Variants in RAB39A observed in about 807,000 individuals in gnomAD.
The protein encoded by RAB39A is ras-related protein Rab-39A.
A neutral mutation model predicts 20.9 loss-of-function variants in RAB39A; 17 were observed. That is an observed-to-expected ratio of 0.81 (90% CI 0.56 to 1.22). RAB39A has a LOEUF of 1.22. RAB39A is among the 50% of genes most tolerant of loss of function. The pLI, the probability that RAB39A is intolerant of heterozygous loss-of-function variation, is 0.00. For synonymous variants in RAB39A, 99 were observed against 103.4 expected (o/e 0.96, Z 0.26); for missense variants, 234 against 270.5 (o/e 0.87, Z 0.95).
At chr11:107,939,659 C>T (rs1861240638) in intron 1 of RAB39A, among the ~76,000 whole-genome samples, 1 of 151,554 alleles carries the variant, frequency 6.6e-6, no homozygotes, top group African/African-American at 2.4e-5. Context: ...AATGAGAGAC[C>T]TGCCTGGAGT....
In RAB39A at chr11:107,960,456, A is replaced by T. The variant is rs371217981; in HGVS notation, c.228-1490A>T. Among the ~76,000 whole-genome samples, 10 of 152,342 alleles carry T rather than the reference A, an allele frequency of 6.6e-5. No individual in the cohort carries two copies. In the East Asian group the frequency reaches 1.7e-3, roughly 26 times the overall value. Reference sequence around the variant, plus strand: ...ATTGAAGCAGACATAGGAGTTTCTTAGACAGAAAAGGGGTAGAAGATATTC... The same window carrying T: ...ATTGAAGCAGACATAGGAGTTTCTTTGACAGAAAAGGGGTAGAAGATATTC... On this transcript the variant is annotated intron_variant, in intron 1 of 1. Transcript: ENST00000320578.
At position 107,939,236 on chromosome 11, in the gene RAB39A, T is replaced by C. The variant is rs1478060966; in HGVS notation, c.227+10441T>C. Reference sequence around the variant, plus strand: ...TCCAGCCTGGGCGGCAAAGCGAGACTCTGTCTCAAAAAAAAAAAAAAAAAA... The same window carrying C: ...TCCAGCCTGGGCGGCAAAGCGAGACCCTGTCTCAAAAAAAAAAAAAAAAAA... On this transcript the variant is annotated intron_variant, in intron 1 of 1. Coordinates refer to ENST00000320578, the MANE Select transcript of RAB39A (RefSeq NM_017516.3). Among the ~76,000 whole-genome samples the C allele has an allele frequency of 4.0e-5, 5 of 125,382 alleles. 1 individual carries two copies. Among genetic ancestry groups the C allele is most frequent in the African/African-American group, 1.6e-4 (5 of 31,140 alleles). The allele number at this position is 125,382 out of a possible 152,430, so 82.3% of individuals were successfully genotyped here. A position where few individuals can be genotyped will look rare whatever the true frequency, so the allele number is the denominator to read the frequency against.
At chr11:107,933,377 CTT>C (rs71047649) in intron 1 of RAB39A, among the ~76,000 whole-genome samples, 4 of 73,070 alleles carry the variant, frequency 5.5e-5, no homozygotes, top group Admixed American at 2.3e-4. Flanking sequence ...TTTATTCTTT[CTT>C]TTTTTTTTTT....
intron 1 of RAB39A, among the ~76,000 whole-genome samples, chr11:107,939,909 G>A (rs1435362821): frequency 2.0e-5 from 3 of 152,132 alleles, no homozygotes; most frequent in Admixed American, 6.6e-5. Context: ...ATGGATCACC[G>A]CAGTGAAGTT....
intron 1 of RAB39A, among the ~76,000 whole-genome samples, chr11:107,940,231 C>T (rs1364925558): frequency 1.3e-5 from 2 of 151,776 alleles, no homozygotes; most frequent in Non-Finnish European, 2.9e-5. Context: ...GGAATATCAT[C>T]GGATATAATT....
intron 1 of RAB39A, among the ~76,000 whole-genome samples, chr11:107,946,165 C>A (rs1179771844): frequency 2.1e-5 from 3 of 145,884 alleles, no homozygotes; most frequent in East Asian, 4.0e-4. Flanking sequence ...CCAAAACAAA[C>A]AAACAAACAA....
chr11:107,948,271 A>T (rs1861338800), intron 1 of RAB39A, among the ~76,000 whole-genome samples: 1 of 152,240 alleles, frequency 6.6e-6, no homozygotes, highest in Non-Finnish European at 1.5e-5. Flanking sequence ...ATTGAGAAGT[A>T]CATGGAAAAT....
At chr11:107,955,505 G>A (rs192692411) in intron 1 of RAB39A, among the ~76,000 whole-genome samples, 19 of 152,150 alleles carry the variant, frequency 1.2e-4, no homozygotes, top group African/African-American at 4.3e-4. Context: ...CAAGCTTTTG[G>A]GTTTTCCACT....
chr11:107,944,074 G>A (rs1371845100), intron 1 of RAB39A, among the ~76,000 whole-genome samples: 1 of 150,644 alleles, frequency 6.6e-6, no homozygotes, highest in Admixed American at 6.7e-5. Context: ...CATCCAGGGC[G>A]ACACAGTGAG....
chr11:107,937,798 G>A (rs1035877872), intron 1 of RAB39A, among the ~76,000 whole-genome samples: 60 of 152,058 alleles, frequency 3.9e-4, no homozygotes, highest in African/African-American at 1.4e-3. Context: ...CAGTCTCTGA[G>A]CCTCTTATTC....
chr11:107,939,243 CAAA>C (rs138488479), intron 1 of RAB39A, among the ~76,000 whole-genome samples: 5 of 68,568 alleles, frequency 7.3e-5, no homozygotes, highest in Admixed American at 3.9e-4. Flanking sequence ...GACTCTGTCT[CAAA>C]AAAAAAAAAA....
chr11:107,948,885 G>A (rs926957421), intron 1 of RAB39A, among the ~76,000 whole-genome samples: 3 of 152,016 alleles, frequency 2.0e-5, no homozygotes, highest in East Asian at 1.9e-4. Flanking sequence ...GATACTTTTC[G>A]TTGTTGAGCC....
At chr11:107,958,067 T>G (rs949526282) in intron 1 of RAB39A, among the ~76,000 whole-genome samples, 1 of 152,054 alleles carries the variant, frequency 6.6e-6, no homozygotes, top group Non-Finnish European at 1.5e-5. Flanking sequence ...ATTTTATGTA[T>G]TTTTGGTAGA....
intron 1 of RAB39A, among the ~76,000 whole-genome samples, chr11:107,947,807 C>CAAAAAAAAAAAAAAAAAA (rs35694249): frequency 6.2e-5 from 5 of 80,218 alleles, no homozygotes; most frequent in Admixed American, 1.9e-4. Context: ...CATCAACAGG[C>CAAAAAAAAAAAAAAAAAA]AAAAAAAAAA....
At chr11:107,929,221 C>G (rs191822565) in intron 1 of RAB39A, among the ~76,000 whole-genome samples, 1 of 152,292 alleles carries the variant, frequency 6.6e-6, no homozygotes, top group Admixed American at 6.5e-5. Flanking sequence ...CCTAACCCAG[C>G]GGCTCCCACG....
intron 1 of RAB39A, among the ~76,000 whole-genome samples, chr11:107,937,670 G>C (rs1861209642): frequency 6.6e-6 from 1 of 151,896 alleles, no homozygotes; most frequent in Non-Finnish European, 1.5e-5. Flanking sequence ...CAAGTAGCTG[G>C]GATTACAGGC....
intron 1 of RAB39A, among the ~76,000 whole-genome samples, chr11:107,938,861 G>C (rs993217131): frequency 6.6e-6 from 1 of 152,170 alleles, no homozygotes; most frequent in Admixed American, 6.6e-5. Context: ...GAAAACCTGT[G>C]ATTATTTTTC....
intron 1 of RAB39A, among the ~76,000 whole-genome samples, chr11:107,958,835 C>T (rs1021443121): frequency 1.3e-5 from 2 of 151,902 alleles, no homozygotes; most frequent in African/African-American, 4.8e-5. Flanking sequence ...GATAGTATTT[C>T]CTGGCCGGGC....
intron 1 of RAB39A, among the ~76,000 whole-genome samples, chr11:107,952,253 C>T (rs1397604313): frequency 6.6e-6 from 1 of 152,190 alleles, no homozygotes; most frequent in African/African-American, 2.4e-5. Context: ...TAGGCTACAA[C>T]ATGGATGGAC....
Sources: allele counts gnomAD v4.1 joint callset (sites outside exome capture counted in the v4.1 genomes callset), GRCh38; gene constraint gnomAD v4.1.1; transcripts MANE v1.5; gene names NCBI Gene and HGNC (gene_info 2026-07-23, HGNC 2026-07-21).